The following PCDH9 variants were observed in gnomAD, a reference collection of about 807,000 sequenced individuals.
PCDH9 encodes the protein protocadherin 9, also known as protocadherin-9.
PCDH9 carries 24 observed loss-of-function variants against 70.6 expected under a neutral mutation model. That is an observed-to-expected ratio of 0.34 (90% CI 0.25 to 0.48). The LOEUF is 0.48. Among genes scored for constraint, PCDH9 ranks in the 20% least tolerant of loss-of-function variants. The pLI is 0.99. For synonymous variants in PCDH9, 562 were observed against 558.5 expected, an observed-to-expected ratio of 1.01 and a Z score of -0.09; for missense variants, 1,281 against 1,503.6, an observed-to-expected ratio of 0.85 and a Z score of 2.45.
intron 2 of PCDH9, among the ~76,000 whole-genome samples, chr13:67,067,078 G>T (rs909679495): frequency 6.6e-6 from 1 of 152,052 alleles, no homozygotes; most frequent in African/African-American, 2.4e-5. Context: ...GCGGTTATTT[G>T]ATGCTTTTCC....
At chr13:66,393,807 G>A (rs1291935999) in intron 4 of PCDH9, among the ~76,000 whole-genome samples, 3 of 152,226 alleles carry the variant, frequency 2.0e-5, no homozygotes, top group Non-Finnish European at 2.9e-5. Flanking sequence ...GTAAGCTGTC[G>A]ATGACAGGAC....
intron 3 of PCDH9, among the ~76,000 whole-genome samples, chr13:66,663,414 AGG>A (rs1353691508): frequency 6.6e-6 from 1 of 152,214 alleles, no homozygotes; most frequent in East Asian, 1.9e-4. Context: ...CTTTCCGAGA[AGG>A]CCTTAGAGAC....
At chr13:67,029,189 CAAAG>C (rs2084855011) in intron 2 of PCDH9, among the ~76,000 whole-genome samples, 1 of 151,858 alleles carries the variant, frequency 6.6e-6, no homozygotes, top group Non-Finnish European at 1.5e-5. Flanking sequence ...TTTCTCATCA[CAAAG>C]AAAGAGCAGA....
At chr13:67,118,788 C>T (rs2086825290) in intron 2 of PCDH9, among the ~76,000 whole-genome samples, 1 of 152,116 alleles carries the variant, frequency 6.6e-6, no homozygotes, top group African/African-American at 2.4e-5. Context: ...CACCACAGCA[C>T]CTTCACACTA....
chr13:67,153,433 C>T (rs1216760146), intron 2 of PCDH9, among the ~76,000 whole-genome samples: 2 of 152,096 alleles, frequency 1.3e-5, no homozygotes, highest in East Asian at 1.9e-4. Flanking sequence ...GCTTCCCAAG[C>T]GTGGGGATTA....
At chr13:67,051,055 C>A (rs2085312018) in intron 2 of PCDH9, among the ~76,000 whole-genome samples, 1 of 152,134 alleles carries the variant, frequency 6.6e-6, no homozygotes, top group Non-Finnish European at 1.5e-5. Context: ...TTAATGGCCA[C>A]AAATGATGAC....
At chr13:66,338,555 GAA>G (rs1478692124) in intron 4 of PCDH9, among the ~76,000 whole-genome samples, 2 of 151,688 alleles carry the variant, frequency 1.3e-5, no homozygotes, top group Non-Finnish European at 2.9e-5. Context: ...TAAAATAAGA[GAA>G]TATCTATTTT....
At chr13:66,908,770 TG>T (rs2082407119) in intron 2 of PCDH9, among the ~76,000 whole-genome samples, 1 of 152,182 alleles carries the variant, frequency 6.6e-6, no homozygotes, top group East Asian at 1.9e-4. Flanking sequence ...TGCTTATTTT[TG>T]TTATCTTTAA....
In PCDH9 at chr13:67,225,385, C is replaced by CA. The variant is rs753029842; in HGVS notation, c.3036+19dup. On this transcript the variant is annotated intron_variant, in intron 2 of 4. Coordinates refer to ENST00000377865, the MANE Select transcript of PCDH9 (RefSeq NM_203487.3). ...GCACTTGTATGCAGTACTTATAGACCAGTAAAAGTGCTCGTTTACCTGTCT... is the reference window on the plus strand; with the variant it reads ...GCACTTGTATGCAGTACTTATAGACCAAGTAAAAGTGCTCGTTTACCTGTCT... 1 of 1,608,176 alleles carries CA rather than the reference C, an allele frequency of 6.2e-7. No individual in the cohort carries two copies. Among genetic ancestry groups the CA allele is most frequent in the East Asian group, 2.2e-5 (1 of 44,848 alleles).
At chr13:66,747,942 G>T (rs762050350) in intron 3 of PCDH9, among the ~76,000 whole-genome samples, 4 of 152,110 alleles carry the variant, frequency 2.6e-5, no homozygotes, top group Non-Finnish European at 5.9e-5. Context: ...TCAATTTTGT[G>T]AACTTTTCAA....
chr13:66,464,999 A>G (rs1958492398), intron 4 of PCDH9, among the ~76,000 whole-genome samples: 1 of 151,940 alleles, frequency 6.6e-6, no homozygotes, highest in African/African-American at 2.4e-5. Context: ...TTTTCTATAG[A>G]AAGGGAACAA....
intron 2 of PCDH9, chr13:67,216,815 C>T (rs2089617969): frequency 6.6e-6 from 1 of 151,046 alleles, no homozygotes; most frequent in Admixed American, 6.6e-5. Flanking sequence ...ATATAGTCCA[C>T]CTAGTGAATG....
chr13:67,070,183 T>C (rs1216186924), intron 2 of PCDH9, among the ~76,000 whole-genome samples: 1 of 152,014 alleles, frequency 6.6e-6, no homozygotes, highest in African/African-American at 2.4e-5. Context: ...CCTTGTTTTA[T>C]TGTGGACTAA....
At chr13:66,974,040 C>T (rs1037689207) in intron 2 of PCDH9, among the ~76,000 whole-genome samples, 6 of 152,018 alleles carry the variant, frequency 3.9e-5, no homozygotes, top group Admixed American at 2.0e-4. Context: ...GATAAAGGAT[C>T]CACTATGTTC....
At chr13:66,804,087 A>G (rs2080371890) in intron 3 of PCDH9, among the ~76,000 whole-genome samples, 1 of 152,196 alleles carries the variant, frequency 6.6e-6, no homozygotes, top group Non-Finnish European at 1.5e-5. Flanking sequence ...CTGTAATAGC[A>G]GCATTCGGAT....
At chr13:66,475,752 C>A (rs570785869) in intron 4 of PCDH9, among the ~76,000 whole-genome samples, 1 of 152,066 alleles carries the variant, frequency 6.6e-6, no homozygotes, top group Admixed American at 6.6e-5. Context: ...CACAGCTGTA[C>A]GCCCAGAAAG....
At chr13:66,755,659 C>A (rs1479423978) in intron 3 of PCDH9, among the ~76,000 whole-genome samples, 1 of 151,916 alleles carries the variant, frequency 6.6e-6, no homozygotes, top group Non-Finnish European at 1.5e-5. Context: ...AAAAAGTGCA[C>A]AACTGACCAT....
chr13:66,878,216 A>AT (rs2081854428), intron 3 of PCDH9, among the ~76,000 whole-genome samples: 1 of 151,296 alleles, frequency 6.6e-6, no homozygotes, highest in Admixed American at 6.6e-5. Context: ...TTATTATTTT[A>AT]TTTTTTATTT....
chr13:66,663,749 T>TTAC (rs1483197279), intron 3 of PCDH9, among the ~76,000 whole-genome samples: 1 of 152,202 alleles, frequency 6.6e-6, no homozygotes, highest in African/African-American at 2.4e-5. Flanking sequence ...TCACTCAGAT[T>TTAC]TACTCTGTAA....
Sources: allele counts gnomAD v4.1 joint callset (sites outside exome capture counted in the v4.1 genomes callset), GRCh38; gene constraint gnomAD v4.1.1; transcripts MANE v1.5; gene names NCBI Gene and HGNC (gene_info 2026-07-23, HGNC 2026-07-21).